The following LRMDA variants were observed in gnomAD, a reference collection of about 807,000 sequenced individuals.
LRMDA encodes the protein leucine-rich melanocyte differentiation-associated protein.
A neutral mutation model predicts 29.8 loss-of-function variants in LRMDA; 18 were observed. The ratio of observed to expected loss-of-function variants is 0.60; its 90% confidence interval spans 0.42 to 0.90. The LOEUF (loss-of-function observed/expected upper bound fraction) is 0.90. LRMDA is among the 40% of genes least tolerant of loss of function. The pLI is 0.00. For synonymous variants in LRMDA, 125 were observed against 109.4 expected (o/e 1.14, Z -0.89); for missense variants, 273 against 273.9 (o/e 1.00, Z 0.02).
intron 5 of LRMDA, among the ~76,000 whole-genome samples, chr10:76,086,636 A>C (rs1167164343): frequency 6.6e-6 from 1 of 152,142 alleles, no homozygotes; most frequent in African/African-American, 2.4e-5. Flanking sequence ...CTAAATACTC[A>C]TGTGTATATG....
At chr10:75,541,452 G>T (rs932928069) in intron 2 of LRMDA, among the ~76,000 whole-genome samples, 1 of 147,568 alleles carries the variant, frequency 6.8e-6, no homozygotes, top group Non-Finnish European at 1.5e-5. Context: ...AGTGCAAAAG[G>T]CCATTTCTTA....
intron 6 of LRMDA, among the ~76,000 whole-genome samples, chr10:76,537,673 A>C (rs1843305819): frequency 6.6e-6 from 1 of 151,806 alleles, no homozygotes; most frequent in Non-Finnish European, 1.5e-5. Flanking sequence ...TCTTTTTTTT[A>C]AAGGAGTGAT....
intron 6 of LRMDA, among the ~76,000 whole-genome samples, chr10:76,521,770 A>G (rs79131838): frequency 1.3e-5 from 2 of 152,338 alleles, no homozygotes; most frequent in East Asian, 1.9e-4. Context: ...GGAAAAAAGC[A>G]TGTTAAGCAT....
intron 6 of LRMDA, among the ~76,000 whole-genome samples, chr10:76,478,230 A>G (rs981890408): frequency 2.9e-4 from 44 of 152,052 alleles, no homozygotes; most frequent in Non-Finnish European, 5.4e-4. Context: ...ATCAAAAAGT[A>G]GGCGAAGGAT....
chr10:75,724,386 CCTGA>C (rs1401714142), intron 2 of LRMDA, among the ~76,000 whole-genome samples: 1 of 152,170 alleles, frequency 6.6e-6, no homozygotes, highest in African/African-American at 2.4e-5. Context: ...TTTCCATTTT[CCTGA>C]CTGTTTTCAA....
At chr10:76,238,673 C>G (rs561378572) in intron 5 of LRMDA, among the ~76,000 whole-genome samples, 3 of 152,144 alleles carry the variant, frequency 2.0e-5, no homozygotes, top group Admixed American at 6.5e-5. Flanking sequence ...AGGGAACACA[C>G]AGATAATGTT....
rs532072628 is a variant in LRMDA at position 76,425,665 on chromosome 10, C to T, written c.601+101180C>T. Reference sequence around the variant, plus strand: ...ATGTGCACAATGTTCAAGTTTGTTACATATGTATACATGTGTCATGTTGGT... The same window carrying T: ...ATGTGCACAATGTTCAAGTTTGTTATATATGTATACATGTGTCATGTTGGT... On this transcript the variant is annotated intron_variant, in intron 6 of 6. Coordinates refer to ENST00000611255, the MANE Select transcript of LRMDA (RefSeq NM_001305581.2). 1.3e-4 allele frequency among the ~76,000 whole-genome samples: 19 copies of T among 151,784 alleles called. No homozygotes were observed. The East Asian group carries it at 3.7e-3, about 29-fold the overall frequency.
At chr10:75,692,031 C>T (rs1842165314) in intron 2 of LRMDA, among the ~76,000 whole-genome samples, 1 of 151,678 alleles carries the variant, frequency 6.6e-6, no homozygotes, top group Non-Finnish European at 1.5e-5. Flanking sequence ...AGTGAGACCT[C>T]ATCTCTACAA....
intron 5 of LRMDA, among the ~76,000 whole-genome samples, chr10:76,314,486 TG>T (rs1378653411): frequency 1.3e-5 from 2 of 152,234 alleles, no homozygotes; most frequent in Non-Finnish European, 2.9e-5. Context: ...TGCCAGTTTC[TG>T]CTGCAAATAC....
chr10:76,517,243 G>A lies in LRMDA; in HGVS notation c.602-39966G>A, dbSNP rs190190390. 5.9e-4 allele frequency among the ~76,000 whole-genome samples: 89 copies of A among 152,082 alleles called. No individual in the cohort carries two copies. The East Asian group carries it at 0.016, about 27-fold the overall frequency. On this transcript the variant is annotated intron_variant, in intron 6 of 6. Transcript: ENST00000611255. ...TGATGAAAACCATGAAAATATATAC[G>A]ATACATATGGCAAAGCATGCAGATA...
chr10:75,952,718 T>C (rs959936615), intron 2 of LRMDA, among the ~76,000 whole-genome samples: 1 of 152,196 alleles, frequency 6.6e-6, no homozygotes, highest in Non-Finnish European at 1.5e-5. Context: ...ATATGTAGGA[T>C]TTAAAATATG....
At chr10:75,970,355 A>G (rs901447437) in intron 2 of LRMDA, among the ~76,000 whole-genome samples, 1 of 152,374 alleles carries the variant, frequency 6.6e-6, no homozygotes, top group Admixed American at 6.5e-5. Flanking sequence ...GCCACCACAC[A>G]GGTGAGCTGT....
intron 5 of LRMDA, among the ~76,000 whole-genome samples, chr10:76,074,570 TA>T (rs1243568485): frequency 6.6e-6 from 1 of 152,090 alleles, no homozygotes; most frequent in Non-Finnish European, 1.5e-5. Context: ...TATTAGCCTA[TA>T]TAGGGAGGAG....
At chr10:75,484,038 C>T (rs886703752) in intron 2 of LRMDA, among the ~76,000 whole-genome samples, 2 of 152,126 alleles carry the variant, frequency 1.3e-5, no homozygotes, top group Non-Finnish European at 2.9e-5. Flanking sequence ...TCGCTGCAAC[C>T]TCTGCTTCAT....
intron 6 of LRMDA, among the ~76,000 whole-genome samples, chr10:76,462,962 C>T (rs1158288220): frequency 6.6e-6 from 1 of 152,186 alleles, no homozygotes; most frequent in Non-Finnish European, 1.5e-5. Flanking sequence ...AGGCAGTGCA[C>T]AGAGCCACAA....
At chr10:75,675,182 A>G (rs966648754) in intron 2 of LRMDA, among the ~76,000 whole-genome samples, 1 of 152,208 alleles carries the variant, frequency 6.6e-6, no homozygotes, top group African/African-American at 2.4e-5. Flanking sequence ...TGGCTGATAC[A>G]AAGGAAAGCA....
intron 6 of LRMDA, among the ~76,000 whole-genome samples, chr10:76,530,366 G>A (rs903269079): frequency 1.3e-5 from 2 of 152,106 alleles, no homozygotes; most frequent in African/African-American, 2.4e-5. Flanking sequence ...TTGATTTGGT[G>A]GGCCCCAAGG....
intron 3 of LRMDA, among the ~76,000 whole-genome samples, chr10:76,037,758 A>C (rs945574538): frequency 2.0e-5 from 3 of 152,166 alleles, no homozygotes; most frequent in African/African-American, 7.2e-5. Flanking sequence ...CTTATGACCT[A>C]ATCACCTCCC....
At chr10:76,323,368 A>G (rs537245996) in intron 5 of LRMDA, among the ~76,000 whole-genome samples, 6 of 152,300 alleles carry the variant, frequency 3.9e-5, no homozygotes, top group African/African-American at 1.4e-4. Context: ...AGAAGGGCAA[A>G]TATATCCCAT....
Sources: gnomAD v4.1 joint callset for allele counts (sites outside exome capture counted in the v4.1 genomes callset) on GRCh38, gnomAD v4.1.1 for gene constraint, MANE v1.5 for transcripts, NCBI Gene and HGNC (gene_info 2026-07-23, HGNC 2026-07-21) for gene names.